Variants in UGT2A3 observed in about 807,000 individuals in gnomAD.
The protein encoded by UGT2A3 is UDP-glucuronosyltransferase 2A3.
In UGT2A3, 55 loss-of-function variants were observed where a neutral mutation model predicts 44.1. The observed-to-expected ratio is 1.25, with a 90% CI of 1.00 to 1.56. UGT2A3 has a LOEUF of 1.56. UGT2A3 is among the 40% of genes most tolerant of loss of function. UGT2A3 has a pLI of 0.00. For synonymous variants in UGT2A3, 243 were observed against 215.1 expected (o/e 1.13, Z -1.13); for missense variants, 733 against 621.6 (o/e 1.18, Z -1.91).
intron 1 of UGT2A3, among the ~76,000 whole-genome samples, chr4:68,947,846 G>T (rs1718435700): frequency 1.3e-5 from 2 of 151,726 alleles, no homozygotes; most frequent in Non-Finnish European, 2.9e-5. Context: ...TGAGCAATAG[G>T]TCTCAACAGT....
chr4:68,937,616 T>G (rs560555880), intron 2 of UGT2A3, among the ~76,000 whole-genome samples: 1 of 151,904 alleles, frequency 6.6e-6, no homozygotes, highest in Admixed American at 6.6e-5. Flanking sequence ...GCAGGAAAAA[T>G]CTAAAATCGA....
chr4:68,948,998 T>C (rs1255011082), intron 1 of UGT2A3, among the ~76,000 whole-genome samples: 2 of 151,794 alleles, frequency 1.3e-5, no homozygotes, highest in East Asian at 2.0e-4. Context: ...ATGAGAGATA[T>C]GCAAGAGAAA....
chr4:68,939,993 A>G (rs900372841), intron 2 of UGT2A3, among the ~76,000 whole-genome samples: 1 of 152,184 alleles, frequency 6.6e-6, no homozygotes, highest in African/African-American at 2.4e-5. Context: ...AAAAACCACA[A>G]TGAGATACCA....
chr4:68,948,447 T>TTTTTTTTTTTTTTTTTTTTTG (rs1718463461), intron 1 of UGT2A3, among the ~76,000 whole-genome samples: 1 of 144,826 alleles, frequency 6.9e-6, no homozygotes, highest in East Asian at 2.0e-4. Context: ...TTCTTTTTTT[T>TTTTTTTTTTTTTTTTTTTTTG]TTTTTTTTTT....
chr4:68,949,560 G>A (rs1021555994), intron 1 of UGT2A3, among the ~76,000 whole-genome samples: 2 of 151,906 alleles, frequency 1.3e-5, no homozygotes, highest in African/African-American at 4.8e-5. Context: ...ATATGTGATA[G>A]AGTCAAAAGT....
intron 2 of UGT2A3, among the ~76,000 whole-genome samples, chr4:68,935,153 C>A (rs1024637537): frequency 6.6e-6 from 1 of 151,018 alleles, no homozygotes; most frequent in African/African-American, 2.4e-5. Flanking sequence ...ATTAATAACA[C>A]TTTTTCTCAC....
chr4:68,930,619 C>CA lies in UGT2A3; in HGVS notation c.1230dup (p.Val411CysfsTer27). ...GTCATAGTTTTGAAGTTTATTTCTA[C>CA]AGCTGCTCCTTTGGCCTTCATGTGA... On this transcript the variant is annotated frameshift_variant, in exon 5 of 6. Transcript: ENST00000251566. LOFTEE classifies it high-confidence loss of function. 1 of 1,613,534 alleles carries CA rather than the reference C, an allele frequency of 6.2e-7. No homozygotes were observed. The highest frequency in any genetic ancestry group is 1.1e-5 in the South Asian group (1 of 91,070).
At chr4:68,932,384 T>C (rs976204367) in intron 3 of UGT2A3, among the ~76,000 whole-genome samples, 2 of 151,838 alleles carry the variant, frequency 1.3e-5, no homozygotes, top group South Asian at 2.1e-4. Context: ...AATCCTAAAA[T>C]ATAAGGTAGG....
At chr4:68,930,418 G>C in intron 5 of UGT2A3, 128 bp downstream of exon 5, 1 of 907,632 alleles carries the variant, frequency 1.1e-6, no homozygotes, top group Non-Finnish European at 1.6e-6. Context: ...CAGTAACAAG[G>C]TGATGAATGA....
chr4:68,932,643 G>A lies in UGT2A3; in HGVS notation c.981C>T (p.Ala327=). 6.2e-7 allele frequency: 1 copy of A among 1,609,536 alleles called. No homozygotes were observed. Among genetic ancestry groups the A allele is most frequent in the Non-Finnish European group, 8.5e-7 (1 of 1,177,678 alleles). ...TTTTACTGACCTTCTGTGGGATCTG[G>A]GCAAGGGCTGAAGCAATGATATTAG... ...EKANIIASAL[A]QIPQKVLWRY... is the part of the protein sequence containing the mutation. Residue 327 remains alanine, a synonymous_variant, in exon 3 of 6, where the codon GCC becomes GCT. Transcript: ENST00000251566.
intron 1 of UGT2A3, among the ~76,000 whole-genome samples, chr4:68,946,558 G>T (rs1718390017): frequency 6.6e-6 from 1 of 151,596 alleles, no homozygotes; most frequent in African/African-American, 2.4e-5. Flanking sequence ...TTACCAACTT[G>T]TAGGTGATTT....
intron 1 of UGT2A3, among the ~76,000 whole-genome samples, chr4:68,950,670 A>G (rs1445089727): frequency 6.6e-6 from 1 of 151,862 alleles, no homozygotes; most frequent in East Asian, 1.9e-4. Context: ...TAATTCAAAG[A>G]AGACCTTCTG....
intron 1 of UGT2A3, among the ~76,000 whole-genome samples, chr4:68,947,216 C>T (rs535779460): frequency 6.6e-6 from 1 of 151,714 alleles, no homozygotes; most frequent in Non-Finnish European, 1.5e-5. Context: ...GCCTTATCTA[C>T]TAATTTTGTG....
chr4:68,931,359 G>A, intron 3 of UGT2A3, 117 bp from the exon 4 acceptor site: 4 of 736,044 alleles, frequency 5.4e-6, no homozygotes, highest in East Asian at 2.7e-5. Flanking sequence ...TTGAGACAGG[G>A]GTGTGTAGAG....
intron 3 of UGT2A3, among the ~76,000 whole-genome samples, chr4:68,931,941 A>G (rs994442663): frequency 6.6e-6 from 1 of 151,960 alleles, no homozygotes; most frequent in Non-Finnish European, 1.5e-5. Context: ...CAATATTTCA[A>G]ATTCCTAATT....
Position 68,951,586 on chromosome 4 carries a change from A to T in UGT2A3, c.175T>A (p.Ser59Thr). 1.9e-6 allele frequency: 3 copies of T among 1,613,038 alleles called. No homozygotes were observed. The highest frequency in any genetic ancestry group is 1.7e-6 in the Non-Finnish European group (2 of 1,179,466). ...RGHEVTVLTH[S>T]KPSLIDYRKP... ...CTGTAGTCAATTAACGAAGGCTTTG[A>T]GTGAGTCAATACTGTTACCTCATGG... Residue 59 changes from serine (S) to threonine (T), a missense_variant, in exon 1 of 6, where the codon TCA becomes ACA. Coordinates refer to ENST00000251566, the MANE Select transcript of UGT2A3 (RefSeq NM_024743.4).
chr4:68,934,245 TGAG>T (rs1055166973), intron 2 of UGT2A3, among the ~76,000 whole-genome samples: 2 of 151,638 alleles, frequency 1.3e-5, no homozygotes, highest in African/African-American at 4.8e-5. Context: ...ATTAGAGAAT[TGAG>T]GAAGAAATCA....
In UGT2A3 at chr4:68,951,036, A is replaced by G. The variant is rs1718564311; in HGVS notation, c.715+10T>C. 6.7e-7 allele frequency: 1 copy of G among 1,493,884 alleles called. No homozygotes were observed. Among genetic ancestry groups the G allele is most frequent in the Non-Finnish European group, 9.0e-7 (1 of 1,116,960 alleles). The allele number at this position is 1,493,884 out of a possible 1,614,324, so 92.5% of individuals were successfully genotyped here. A position where few individuals can be genotyped will look rare whatever the true frequency, so the allele number is the denominator to read the frequency against. On this transcript the variant is annotated intron_variant, in intron 1 of 5. Transcript: ENST00000251566. ...ATAACTAAATTAAAAATAAAACAAA[A>G]GTGTCTTACCTAATGCCTTACTATA...
intron 1 of UGT2A3, 45 bp from the exon 2 acceptor site, chr4:68,945,499 A>C: frequency 6.7e-7 from 1 of 1,490,022 alleles, no homozygotes; most frequent in Non-Finnish European, 9.0e-7. Flanking sequence ...CAATTCAAAT[A>C]AAAAATTGTA....
Sources: allele counts gnomAD v4.1 joint callset (sites outside exome capture counted in the v4.1 genomes callset), GRCh38; gene constraint gnomAD v4.1.1; transcripts MANE v1.5; gene names NCBI Gene and HGNC (gene_info 2026-07-23, HGNC 2026-07-21).